RBM24: variants seen among roughly 807,000 people sequenced by gnomAD.
The protein encoded by RBM24 is RNA-binding protein 24.
In RBM24, 5 loss-of-function variants were observed where a neutral mutation model predicts 23.6. The observed-to-expected ratio is 0.21, with a 90% CI of 0.11 to 0.45. RBM24 has a LOEUF of 0.45. Ranked by LOEUF, RBM24 falls within the 20% of genes least tolerant of loss-of-function variation. The probability of loss-of-function intolerance (pLI) is 0.99; values close to 1 mark genes in which losing one functional copy is unlikely to be tolerated. For missense variants in RBM24, 252 were observed against 314.6 expected (o/e 0.80, Z 1.51); for synonymous variants, 151 against 129.5 (o/e 1.17, Z -1.13).
intron 3 of RBM24, chr6:17,289,650 T>C: frequency 1.0e-6 from 1 of 985,384 alleles, no homozygotes. Flanking sequence ...ACTTTGAGAG[T>C]ACAAGGGGTT....
rs1446506104 is a variant in RBM24, at chr6:17,281,923, C to T, written c.168+174C>T. ...CTTTGCTAGGGGAGAGGGTCGGCGC[C>T]AGCCTCGCGGGGTTCGGAGAAGACC... On this transcript the variant is annotated intron_variant, in intron 1 of 3. Coordinates refer to ENST00000379052, the MANE Select transcript of RBM24 (RefSeq NM_001143942.2). This position sits in a 1 kb window ranked among gnomAD's most constrained non-coding sequence, Gnocchi z 7.1. 1.1e-5 allele frequency: 15 copies of T among 1,336,368 alleles called. No homozygotes were observed. The highest frequency in any genetic ancestry group is 1.5e-5 in the African/African-American group (1 of 66,854). The allele number at this position is 1,336,368 out of a possible 1,614,324, so 82.8% of individuals were successfully genotyped here. A position where few individuals can be genotyped will look rare whatever the true frequency, so the allele number is the denominator to read the frequency against.
intron 3 of RBM24, chr6:17,289,748 C>T: frequency 1.9e-6 from 2 of 1,057,278 alleles, no homozygotes; most frequent in South Asian, 3.2e-5. Flanking sequence ...ATTTTACCCG[C>T]TGGAAACCCT....
At chr6:17,290,877 G>A (rs1320228799) in intron 3 of RBM24, 1 of 1,289,658 alleles carries the variant, frequency 7.8e-7, no homozygotes, top group Admixed American at 2.3e-5. Flanking sequence ...ACCCTCAGGT[G>A]CCTGATAGTC....
In RBM24 at chr6:17,292,470, T is replaced by G. The variant is rs1760400170; in HGVS notation, c.*351T>G. On this transcript the variant is annotated 3_prime_UTR_variant, in exon 4 of 4. Transcript: ENST00000379052. Reference sequence around the variant, plus strand: ...AGGGAAGCAAACTGCCTTTTACAAGTTAGAAAATGCTGTTTGAATCTAGTT... The same window carrying G: ...AGGGAAGCAAACTGCCTTTTACAAGGTAGAAAATGCTGTTTGAATCTAGTT... 1 of 165,020 alleles carries G rather than the reference T, an allele frequency of 6.1e-6. No homozygotes were observed. Among genetic ancestry groups the G allele is most frequent in the South Asian group, 2.0e-4 (1 of 5,014 alleles). 10.2% of individuals were successfully genotyped at this position (165,020 alleles called of 1,614,324 possible). A position where few individuals can be genotyped will look rare whatever the true frequency, so the allele number is the denominator to read the frequency against.
intron 3 of RBM24, among the ~76,000 whole-genome samples, chr6:17,286,151 CA>C (rs1335650972): frequency 1.3e-5 from 2 of 150,924 alleles, no homozygotes; most frequent in Admixed American, 6.6e-5. Context: ...ACAACTCTAA[CA>C]TATCGGTACC....
intron 3 of RBM24, chr6:17,291,032 C>G: frequency 2.0e-6 from 1 of 492,194 alleles, no homozygotes; most frequent in Non-Finnish European, 3.8e-6. Flanking sequence ...ACGACAGCCT[C>G]TTGTGACAGA....
chr6:17,286,058 G>A lies in RBM24; in HGVS notation c.347+1347G>A, dbSNP rs1361966751. Reference sequence around the variant, plus strand: ...ACATAGATAGATGTCTACCATATGTGTCTCTAAGAATAGATTTTAAAAAGA... The same window carrying A: ...ACATAGATAGATGTCTACCATATGTATCTCTAAGAATAGATTTTAAAAAGA... On this transcript the variant is annotated intron_variant, in intron 3 of 3. Coordinates refer to ENST00000379052, the MANE Select transcript of RBM24 (RefSeq NM_001143942.2). Among the ~76,000 whole-genome samples, 5 of 152,086 alleles carry A rather than the reference G, an allele frequency of 3.3e-5. No individual in the cohort carries two copies. The East Asian group carries it at 9.6e-4, about 29-fold the overall frequency.
In RBM24 at chr6:17,281,951, G is replaced by A; in HGVS notation, c.168+202G>A. 1 of 1,360,380 alleles carries A rather than the reference G, an allele frequency of 7.4e-7. No individual in the cohort carries two copies. The highest frequency in any genetic ancestry group is 9.7e-7 in the Non-Finnish European group (1 of 1,033,128). The allele number at this position is 1,360,380 out of a possible 1,614,324, so 84.3% of individuals were successfully genotyped here. ...CCTCGCGGGGTTCGGAGAAGACCCA[G>A]CGCTGTGCGAGGTCGGGGGCCGGGC... On this transcript the variant is annotated intron_variant, in intron 1 of 3. Coordinates refer to ENST00000379052, the MANE Select transcript of RBM24 (RefSeq NM_001143942.2). The surrounding 1 kb of genome is among the most constrained non-coding windows in gnomAD (Gnocchi z 7.1).
chr6:17,287,740 C>T (rs986719580), intron 3 of RBM24, among the ~76,000 whole-genome samples: 2 of 151,742 alleles, frequency 1.3e-5, no homozygotes, highest in Non-Finnish European at 2.9e-5. Flanking sequence ...ACCCAGAAGG[C>T]GGAGCTTGCA....
rs973174285 is a variant in RBM24, at chr6:17,282,320, G to A, written c.169-485G>A. ...ATTTAAGCGTGCAAATTCAGCTGCC[G>A]AAGAGCAGGGAGCCCCAGAGTAGGA... On this transcript the variant is annotated intron_variant, in intron 1 of 3. Coordinates refer to ENST00000379052, the MANE Select transcript of RBM24 (RefSeq NM_001143942.2). The A allele has an allele frequency of 1.2e-5, 13 of 1,125,948 alleles. No individual in the cohort carries two copies. In the East Asian group the frequency reaches 6.9e-4, roughly 60 times the overall value. 69.7% of individuals were successfully genotyped at this position (1,125,948 alleles called of 1,614,324 possible). A position where few individuals can be genotyped will look rare whatever the true frequency, so the allele number is the denominator to read the frequency against.
In RBM24 at chr6:17,291,915, C is replaced by CGCT. The variant is rs763342655; in HGVS notation, c.513_515dup (p.Ala172dup). The CGCT allele has an allele frequency of 1.9e-6, 3 of 1,612,952 alleles. No individual in the cohort carries two copies. Among genetic ancestry groups the CGCT allele is most frequent in the African/African-American group, 2.7e-5 (2 of 74,894 alleles). On this transcript the variant is annotated inframe_insertion, in exon 4 of 4. Coordinates refer to ENST00000379052, the MANE Select transcript of RBM24 (RefSeq NM_001143942.2). ...CAGCAGCTGCTGCTGCTGCCGCCGC[C>CGCT]GCTGCTGCCTATGACCAGTACCCCT...
rs1204453065 is a variant in RBM24 at position 17,281,701 on chromosome 6, G to A, written c.120G>A (p.Ala40=). The A allele has an allele frequency of 3.2e-6, 5 of 1,552,216 alleles. No homozygotes were observed. The East Asian group carries it at 7.3e-5, about 23-fold the overall frequency. ...YFEVFGEIEE[A]VVITDRQTGK... ...AGGTCTTCGGCGAGATCGAGGAGGCGGTGGTCATCACCGACCGGCAGACGG... is the reference window on the plus strand; with the variant it reads ...AGGTCTTCGGCGAGATCGAGGAGGCAGTGGTCATCACCGACCGGCAGACGG... Residue 40 remains alanine, a synonymous_variant, in exon 1 of 4, where the codon GCG becomes GCA. Transcript: ENST00000379052. This position sits in a 1 kb window ranked among gnomAD's most constrained non-coding sequence, Gnocchi z 7.1.
chr6:17,288,855 G>A (rs1490892390), intron 3 of RBM24: 1 of 985,458 alleles, frequency 1.0e-6, no homozygotes, highest in Non-Finnish European at 1.2e-6. Flanking sequence ...CAAGGCTTAA[G>A]AAATTTGCAC....
intron 3 of RBM24, among the ~76,000 whole-genome samples, chr6:17,291,227 G>A (rs541273597): frequency 2.0e-4 from 31 of 152,198 alleles, no homozygotes; most frequent in Non-Finnish European, 3.5e-4. Context: ...TTCAAGTAGG[G>A]TTGCCATGAT....
At chr6:17,285,886 A>G (rs192136499) in intron 3 of RBM24, among the ~76,000 whole-genome samples, 1 of 152,268 alleles carries the variant, frequency 6.6e-6, no homozygotes, top group Admixed American at 6.5e-5. Flanking sequence ...CCTGATCAAC[A>G]TGCCTGTAAC....
At chr6:17,287,758 G>A (rs1236770132) in intron 3 of RBM24, among the ~76,000 whole-genome samples, 4 of 151,782 alleles carry the variant, frequency 2.6e-5, no homozygotes, top group East Asian at 1.9e-4. Context: ...GCAGCGAGCC[G>A]AGATTGTGCC....
Position 17,281,642 on chromosome 6 carries a change from C to G in RBM24, c.61C>G (p.His21Asp). 1 of 1,549,850 alleles carries G rather than the reference C, an allele frequency of 6.5e-7. No homozygotes were observed. Among genetic ancestry groups the G allele is most frequent in the Non-Finnish European group, 8.7e-7 (1 of 1,146,544 alleles). ...GATCTTCGTCGGGGGGCTGCCCTAC[C>G]ACACCACCGACGCCAGCCTGCGCAA... is the stretch of plus-strand genomic sequence containing the variant. The part of the protein sequence containing the change: ...TKIFVGGLPY[H>D]TTDASLRKYF... Residue 21 changes from histidine (H) to aspartate (D), a missense_variant, in exon 1 of 4, where the codon CAC becomes GAC. Physicochemically the swap from His to Asp is moderately conservative, Grantham distance 81 (BLOSUM62 -1). Coordinates refer to ENST00000379052, the MANE Select transcript of RBM24 (RefSeq NM_001143942.2). The surrounding 1 kb of genome is among the most constrained non-coding windows in gnomAD (Gnocchi z 7.1).
chr6:17,292,134 C>A lies in RBM24; in HGVS notation c.*15C>A. 1 of 1,480,634 alleles carries A rather than the reference C, an allele frequency of 6.8e-7. No homozygotes were observed. The highest frequency in any genetic ancestry group is 2.3e-5 in the Admixed American group (1 of 44,232). 91.7% of individuals were successfully genotyped at this position (1,480,634 alleles called of 1,614,324 possible). A position where few individuals can be genotyped will look rare whatever the true frequency, so the allele number is the denominator to read the frequency against. On this transcript the variant is annotated 3_prime_UTR_variant, in exon 4 of 4. Transcript: ENST00000379052. ...GAATGCAATAGACCAGCCATCTGAT[C>A]AAAGTTGAATTGTTTTCTCTTTCCC...
intron 3 of RBM24, among the ~76,000 whole-genome samples, chr6:17,287,272 AC>A (rs1425426139): frequency 6.6e-6 from 1 of 152,212 alleles, no homozygotes; most frequent in Non-Finnish European, 1.5e-5. Flanking sequence ...GACTTGACTT[AC>A]TTGAAATTCT....
Sources: allele counts gnomAD v4.1 joint callset (sites outside exome capture counted in the v4.1 genomes callset), GRCh38; gene constraint gnomAD v4.1.1; non-coding constraint Gnocchi (gnomAD v3.1); transcripts MANE v1.5; gene names NCBI Gene and HGNC (gene_info 2026-07-23, HGNC 2026-07-21).